The following PHACTR1 variants were observed in gnomAD, a reference collection of about 807,000 sequenced individuals.
PHACTR1 encodes phosphatase and actin regulator 1, also known as RPEL repeat containing 1.
Under a neutral mutation model 69.2 loss-of-function variants are expected in PHACTR1, and 16 were observed. The ratio of observed to expected loss-of-function variants is 0.23; its 90% confidence interval spans 0.16 to 0.35. The LOEUF (loss-of-function observed/expected upper bound fraction) is 0.35, where lower values mean the gene tolerates loss of function less well. Ranked by LOEUF, PHACTR1 falls within the 10% of genes least tolerant of loss-of-function variation. PHACTR1 has a pLI of 1.00. For missense variants in PHACTR1, 510 were observed against 734.7 expected, an observed-to-expected ratio of 0.69 and a Z score of 3.54; for synonymous variants, 312 against 284.5, an observed-to-expected ratio of 1.10 and a Z score of -0.97.
At chr6:13,200,151 C>T (rs781295218) in intron 7 of PHACTR1, among the ~76,000 whole-genome samples, 7 of 152,178 alleles carry the variant, frequency 4.6e-5, no homozygotes, top group Admixed American at 2.6e-4. Context: ...CACCATACAC[C>T]AAGCGATTTA....
chr6:13,077,119 A>G (rs529229815), intron 5 of PHACTR1, among the ~76,000 whole-genome samples: 6 of 151,424 alleles, frequency 4.0e-5, no homozygotes, highest in African/African-American at 1.5e-4. Flanking sequence ...ACAAAAAAAA[A>G]CACTGAAGTT....
intron 10 of PHACTR1, 165 bp from the exon 11 acceptor site, chr6:13,272,695 G>C: frequency 6.4e-7 from 1 of 1,554,528 alleles, no homozygotes; most frequent in Non-Finnish European, 8.7e-7. Flanking sequence ...GCTTGAAATT[G>C]AGGAACTGAG....
At chr6:13,079,137 C>T (rs1457491970) in intron 5 of PHACTR1, among the ~76,000 whole-genome samples, 1 of 152,170 alleles carries the variant, frequency 6.6e-6, no homozygotes, top group Non-Finnish European at 1.5e-5. Context: ...TGTGCCCAAG[C>T]AGGATCAGAG....
chr6:13,154,906 C>G (rs111599732), intron 5 of PHACTR1, among the ~76,000 whole-genome samples: 3 of 152,162 alleles, frequency 2.0e-5, no homozygotes, highest in African/African-American at 7.2e-5. Context: ...TCAGACCATA[C>G]CCAGTTTGTG....
intron 5 of PHACTR1, among the ~76,000 whole-genome samples, chr6:13,099,008 G>A (rs1279120992): frequency 1.3e-5 from 2 of 152,170 alleles, no homozygotes; most frequent in African/African-American, 4.8e-5. Flanking sequence ...TACAACACAT[G>A]AAGTCCTTGA....
chr6:12,731,071 A>C (rs1478575422), intron 3 of PHACTR1, among the ~76,000 whole-genome samples: 1 of 150,982 alleles, frequency 6.6e-6, no homozygotes, highest in Non-Finnish European at 1.5e-5. Context: ...GCTGGAGTGC[A>C]GTGGCACGAT....
At chr6:13,146,620 G>C (rs1028724512) in intron 5 of PHACTR1, among the ~76,000 whole-genome samples, 2 of 152,212 alleles carry the variant, frequency 1.3e-5, no homozygotes, top group African/African-American at 2.4e-5. Flanking sequence ...TTGAACAAGG[G>C]TGCTATTATC....
chr6:12,778,264 A>G (rs1211833941), intron 4 of PHACTR1, among the ~76,000 whole-genome samples: 1 of 152,254 alleles, frequency 6.6e-6, no homozygotes, highest in African/African-American at 2.4e-5. Flanking sequence ...TTAAAATCAA[A>G]TATAGGCTAC....
chr6:13,282,941 C>T (rs1479662951), intron 12 of PHACTR1, among the ~76,000 whole-genome samples: 2 of 152,114 alleles, frequency 1.3e-5, no homozygotes, highest in Non-Finnish European at 2.9e-5. Context: ...AAAAACAGTA[C>T]TGTGAATATG....
Position 13,003,591 on chromosome 6 carries a change from A to C in PHACTR1, c.251-49774A>C, listed in dbSNP as rs951607222. 4.6e-5 allele frequency among the ~76,000 whole-genome samples: 7 copies of C among 152,224 alleles called. No individual in the cohort carries two copies. The East Asian group carries it at 1.4e-3, about 29-fold the overall frequency. ...GCCTTCATTACTGCTTCTTTTAAAA[A>C]ATTTTTTAATAGATTTAGGAAGTAT... On this transcript the variant is annotated intron_variant, in intron 4 of 14. Coordinates refer to ENST00000332995, the MANE Select transcript of PHACTR1 (RefSeq NM_030948.6).
At chr6:12,983,778 T>C (rs1345417091) in intron 4 of PHACTR1, among the ~76,000 whole-genome samples, 1 of 152,170 alleles carries the variant, frequency 6.6e-6, no homozygotes, top group Non-Finnish European at 1.5e-5. Flanking sequence ...TTCCCACCTA[T>C]GAGTGAGAAC....
intron 4 of PHACTR1, among the ~76,000 whole-genome samples, chr6:12,758,822 AT>A (rs1767678387): frequency 6.6e-6 from 1 of 152,188 alleles, no homozygotes; most frequent in Non-Finnish European, 1.5e-5. Flanking sequence ...CTACCCTAGT[AT>A]TAAAAAAAGA....
intron 5 of PHACTR1, among the ~76,000 whole-genome samples, chr6:13,085,004 A>G (rs746555838): frequency 5.3e-5 from 8 of 152,130 alleles, no homozygotes; most frequent in Non-Finnish European, 1.0e-4. Context: ...AATAAATCCA[A>G]ATATGTCCGC....
chr6:12,747,145 T>C (rs1765887136), intron 3 of PHACTR1, among the ~76,000 whole-genome samples: 1 of 152,162 alleles, frequency 6.6e-6, no homozygotes, highest in Non-Finnish European at 1.5e-5. Flanking sequence ...TAATGAGGCA[T>C]ATGTCATAGA....
intron 4 of PHACTR1, among the ~76,000 whole-genome samples, chr6:12,899,050 G>A (rs536708112): frequency 6.6e-6 from 1 of 152,270 alleles, no homozygotes; most frequent in East Asian, 1.9e-4. Context: ...AGCCTCCTTT[G>A]GTCCCCAGTA....
At chr6:12,730,712 T>A (rs1763392797) in intron 3 of PHACTR1, among the ~76,000 whole-genome samples, 2 of 152,208 alleles carry the variant, frequency 1.3e-5, no homozygotes, top group African/African-American at 4.8e-5. Context: ...GTATTAAGCC[T>A]AGTACCCATT....
chr6:13,025,289 A>T (rs1386018875), intron 4 of PHACTR1, among the ~76,000 whole-genome samples: 1 of 152,162 alleles, frequency 6.6e-6, no homozygotes, highest in African/African-American at 2.4e-5. Flanking sequence ...GAGTATCTAT[A>T]GTCAAGAAAT....
intron 4 of PHACTR1, among the ~76,000 whole-genome samples, chr6:12,774,443 G>A (rs915627411): frequency 2.0e-5 from 3 of 152,148 alleles, no homozygotes; most frequent in Non-Finnish European, 4.4e-5. Flanking sequence ...CCAGGCTGGA[G>A]TGCAACGTTG....
At chr6:12,895,551 T>C (rs557634394) in intron 4 of PHACTR1, among the ~76,000 whole-genome samples, 1 of 152,322 alleles carries the variant, frequency 6.6e-6, no homozygotes, top group East Asian at 1.9e-4. Flanking sequence ...TGAGTTTTAC[T>C]AGATAGTAAC....
Sources: allele counts gnomAD v4.1 joint callset (sites outside exome capture counted in the v4.1 genomes callset), GRCh38; gene constraint gnomAD v4.1.1; transcripts MANE v1.5; gene names NCBI Gene and HGNC (gene_info 2026-07-23, HGNC 2026-07-21).